SLAIN2: variants seen among roughly 807,000 people sequenced by gnomAD.
SLAIN2 encodes SLAIN motif-containing protein 2.
In SLAIN2, 31 loss-of-function variants were observed where a neutral mutation model predicts 56.6. The ratio of observed to expected loss-of-function variants is 0.55; its 90% CI spans 0.41 to 0.74. The LOEUF is 0.74. Ranked by LOEUF, SLAIN2 falls within the 30% of genes least tolerant of loss-of-function variation. The pLI, the probability that SLAIN2 is intolerant of heterozygous loss-of-function variation, is 0.00. For synonymous variants in SLAIN2, 317 were observed against 284.9 expected, an observed-to-expected ratio of 1.11 and a Z score of -1.13; for missense variants, 777 against 754.2, an observed-to-expected ratio of 1.03 and a Z score of -0.35.
chr4:48,399,873 A>C (rs1716501478), intron 6 of SLAIN2, among the ~76,000 whole-genome samples: 1 of 152,066 alleles, frequency 6.6e-6, no homozygotes, highest in Non-Finnish European at 1.5e-5. Context: ...TTGGTGGATA[A>C]GCTTTTTGAT....
chr4:48,342,530 C>T (rs541230211), intron 1 of SLAIN2, among the ~76,000 whole-genome samples: 1 of 152,106 alleles, frequency 6.6e-6, no homozygotes, highest in Non-Finnish European at 1.5e-5. Flanking sequence ...GAGGGGTCTG[C>T]TTGATGAGGT....
In SLAIN2 at chr4:48,342,000, T is replaced by G. The variant is rs1714720941; in HGVS notation, c.261T>G (p.Ser87Arg). The G allele has an allele frequency of 1.8e-5, 25 of 1,423,730 alleles. No homozygotes were observed. The highest frequency in any genetic ancestry group is 2.2e-5 in the Non-Finnish European group (24 of 1,093,626). The allele number at this position is 1,423,730 out of a possible 1,614,324, so 88.2% of individuals were successfully genotyped here. ...CCGGGTCGGGCCCGAGGCGGACGAG[T>G]AGCGAAGAGCTGCGGGACGCCACCT... Reference protein sequence around the residue: ...GGPGSGPRRTSSEELRDATSL... With the variant: ...GGPGSGPRRTRSEELRDATSL... The change falls in exon 1 of 8, where the codon AGT (serine) becomes AGG (arginine). Residue 87 changes from serine (S) to arginine (R), a missense_variant. Coordinates refer to ENST00000264313, the MANE Select transcript of SLAIN2 (RefSeq NM_020846.2).
rs567969667 is a variant in SLAIN2 at position 48,374,420 on chromosome 4, A to T, written c.539-3476A>T. On this transcript the variant is annotated intron_variant, in intron 2 of 7. Transcript: ENST00000264313. Reference sequence around the variant, plus strand: ...CCCAGCTAATTTTTTTTGTATTTTTACTAGAGACGAGGTTTCACGATGTTG... The same window carrying T: ...CCCAGCTAATTTTTTTTGTATTTTTTCTAGAGACGAGGTTTCACGATGTTG... Among the ~76,000 whole-genome samples the T allele has an allele frequency of 4.0e-5, 6 of 151,880 alleles. No individual in the cohort carries two copies. The East Asian group carries it at 9.7e-4, about 25-fold the overall frequency.
intron 2 of SLAIN2, 70 bp from the exon 3 acceptor site, chr4:48,377,826 A>G (rs962862001): frequency 4.9e-6 from 7 of 1,433,650 alleles, no homozygotes; most frequent in Non-Finnish European, 5.7e-6. Context: ...TCTAATAGGA[A>G]AACTTCAGAA....
chr4:48,420,499 G>A lies in SLAIN2; in HGVS notation c.1679+56G>A, dbSNP rs184482170. On this transcript the variant is annotated intron_variant, in intron 7 of 7. Coordinates refer to ENST00000264313, the MANE Select transcript of SLAIN2 (RefSeq NM_020846.2). ...TTGAGTGCCTGAAAGTGGATAGACT[G>A]GAATGAATTAGCTTCATCCGTATGT... is the stretch of plus-strand genomic sequence containing the variant. The A allele has an allele frequency of 4.2e-5, 66 of 1,575,922 alleles. No individual in the cohort carries two copies. The Admixed American group carries it at 1.1e-3, about 26-fold the overall frequency.
chr4:48,364,785 G>A (rs1715463816), intron 1 of SLAIN2, among the ~76,000 whole-genome samples: 2 of 142,454 alleles, frequency 1.4e-5, no homozygotes, highest in Admixed American at 7.0e-5. Flanking sequence ...GAATCAGGCA[G>A]GGAGGTTGCA....
intron 1 of SLAIN2, among the ~76,000 whole-genome samples, chr4:48,356,456 A>AT (rs972718029): frequency 6.6e-6 from 1 of 151,560 alleles, no homozygotes; most frequent in African/African-American, 2.4e-5. Context: ...CTGAAAAGAT[A>AT]TGTACTAGTA....
chr4:48,396,745 G>T (rs564092663), intron 6 of SLAIN2, among the ~76,000 whole-genome samples: 4 of 152,244 alleles, frequency 2.6e-5, no homozygotes, highest in Admixed American at 2.6e-4. Context: ...CAATTGTCTA[G>T]AAAGCTAATA....
intron 2 of SLAIN2, among the ~76,000 whole-genome samples, chr4:48,377,098 T>C (rs543991709): frequency 1.2e-3 from 178 of 151,688 alleles, no homozygotes; most frequent in Middle Eastern, 3.4e-3. Flanking sequence ...CCCAGCACTT[T>C]AGGAGGCCAA....
At chr4:48,419,605 C>T (rs1278644582) in intron 6 of SLAIN2, among the ~76,000 whole-genome samples, 1 of 152,152 alleles carries the variant, frequency 6.6e-6, no homozygotes, top group Non-Finnish European at 1.5e-5. Context: ...CTTTGTGAAG[C>T]ACAGCAATGG....
At chr4:48,406,523 C>G (rs930038055) in intron 6 of SLAIN2, among the ~76,000 whole-genome samples, 1 of 114,174 alleles carries the variant, frequency 8.8e-6, no homozygotes. Context: ...TGCTCTCTCT[C>G]TCTTTTTTTT....
At chr4:48,368,173 C>T (rs920703832) in intron 1 of SLAIN2, among the ~76,000 whole-genome samples, 2 of 150,632 alleles carry the variant, frequency 1.3e-5, no homozygotes, top group African/African-American at 4.9e-5. Context: ...CTCAGCCTCC[C>T]GAGTAGCTGG....
intron 6 of SLAIN2, among the ~76,000 whole-genome samples, chr4:48,398,291 T>C (rs1299432555): frequency 2.0e-5 from 3 of 152,234 alleles, no homozygotes; most frequent in Non-Finnish European, 4.4e-5. Context: ...CATGAATGTC[T>C]TATTTTGAGA....
In SLAIN2 at chr4:48,425,614, A is replaced by AGAC. The variant is rs1439267339; in HGVS notation, c.*3538_*3540dup. The AGAC allele has an allele frequency of 6.6e-6, 1 of 152,178 alleles. No homozygotes were observed. Among genetic ancestry groups the AGAC allele is most frequent in the Non-Finnish European group, 1.5e-5 (1 of 67,998 alleles). 9.4% of individuals were successfully genotyped at this position (152,178 alleles called of 1,614,324 possible). On this transcript the variant is annotated 3_prime_UTR_variant, in exon 8 of 8. Transcript: ENST00000264313. Reference sequence around the variant, plus strand: ...GATTAATAGTGATGAGAGGGAAAAAAGACACCCTTCTGTTTTTTTCTCTCA... The same window carrying AGAC: ...GATTAATAGTGATGAGAGGGAAAAAAGACGACACCCTTCTGTTTTTTTCTCTCA...
At chr4:48,357,807 G>A (rs1353391389) in intron 1 of SLAIN2, among the ~76,000 whole-genome samples, 1 of 152,062 alleles carries the variant, frequency 6.6e-6, no homozygotes. Context: ...CGCCCGACTT[G>A]GCCTTCCAAA....
intron 6 of SLAIN2, among the ~76,000 whole-genome samples, chr4:48,397,101 G>A (rs866174205): frequency 2.6e-5 from 4 of 152,148 alleles, no homozygotes; most frequent in African/African-American, 4.8e-5. Context: ...TTCATTCCCT[G>A]TTGTTGGGCA....
In SLAIN2 at chr4:48,341,580, T is replaced by G. The variant is rs1016269621; in HGVS notation, c.-160T>G. 14 of 1,173,616 alleles carry G rather than the reference T, an allele frequency of 1.2e-5. No homozygotes were observed. Among genetic ancestry groups the G allele is most frequent in the Non-Finnish European group, 1.5e-5 (13 of 890,588 alleles). The allele number at this position is 1,173,616 out of a possible 1,614,324, so 72.7% of individuals were successfully genotyped here. ...AGTTCGGCTGGGGCCAGCGGCGCTT[T>G]GGAACCCGAGGTGGGGGGACCCTGG... On this transcript the variant is annotated 5_prime_UTR_variant, in exon 1 of 8. Coordinates refer to ENST00000264313, the MANE Select transcript of SLAIN2 (RefSeq NM_020846.2).
intron 1 of SLAIN2, among the ~76,000 whole-genome samples, chr4:48,356,697 G>C (rs541598088): frequency 4.1e-4 from 62 of 152,198 alleles, no homozygotes; most frequent in Non-Finnish European, 8.1e-4. Context: ...TTCAGCACTA[G>C]AAGTTTGTTT....
chr4:48,403,970 G>C (rs2109779010), intron 6 of SLAIN2, among the ~76,000 whole-genome samples: 1 of 152,254 alleles, frequency 6.6e-6, no homozygotes, highest in South Asian at 2.1e-4. Flanking sequence ...GTCAGGGCAG[G>C]GTTGCACAAT....
Sources: allele counts gnomAD v4.1 joint callset (sites outside exome capture counted in the v4.1 genomes callset), GRCh38; gene constraint gnomAD v4.1.1; transcripts MANE v1.5; gene names NCBI Gene and HGNC (gene_info 2026-07-23, HGNC 2026-07-21).